AGMO: variants seen among roughly 807,000 people sequenced by gnomAD.
The protein encoded by AGMO is alkylglycerol monooxygenase.
AGMO carries 75 observed loss-of-function variants against 60.2 expected under a neutral mutation model. That is an observed-to-expected ratio of 1.25 (90% CI 1.03 to 1.51). The LOEUF (loss-of-function observed/expected upper bound fraction) is 1.51, where lower values mean the gene tolerates loss of function less well. AGMO is among the 40% of genes most tolerant of loss of function. AGMO has a pLI of 0.00. For synonymous variants in AGMO, 261 were observed against 177.1 expected, an observed-to-expected ratio of 1.47 and a Z score of -3.76; for missense variants, 763 against 525.5, an observed-to-expected ratio of 1.45 and a Z score of -4.42.
chr7:15,508,554 G>A (rs1562542763), intron 3 of AGMO, among the ~76,000 whole-genome samples: 1 of 152,084 alleles, frequency 6.6e-6, no homozygotes, highest in Non-Finnish European at 1.5e-5. Context: ...ACTAAAAAGT[G>A]TATAAAGAGA....
intron 12 of AGMO, among the ~76,000 whole-genome samples, chr7:15,247,075 G>C (rs980732742): frequency 6.6e-6 from 1 of 151,532 alleles, no homozygotes; most frequent in Non-Finnish European, 1.5e-5. Context: ...AAAGTAATGG[G>C]ATTATATGCA....
intron 5 of AGMO, among the ~76,000 whole-genome samples, chr7:15,411,176 A>G (rs1000623870): frequency 6.6e-6 from 1 of 151,974 alleles, no homozygotes; most frequent in African/African-American, 2.4e-5. Flanking sequence ...GCCATGTTAT[A>G]TCTCAGCATG....
intron 3 of AGMO, among the ~76,000 whole-genome samples, chr7:15,482,106 G>GA (rs934131580): frequency 2.0e-5 from 3 of 150,456 alleles, no homozygotes; most frequent in Non-Finnish European, 3.0e-5. Context: ...ATATCCACAT[G>GA]AAAAAATCAG....
At chr7:15,324,906 T>C (rs10280722) in intron 12 of AGMO, among the ~76,000 whole-genome samples, 123,883 of 152,018 alleles carry the variant, frequency 0.81, 51,178 homozygotes, top group East Asian at 0.96. Flanking sequence ...CGGTTCCTAA[T>C]AGGCCACCAA....
intron 3 of AGMO, among the ~76,000 whole-genome samples, chr7:15,541,988 T>C (rs1314871776): frequency 2.0e-5 from 3 of 152,190 alleles, no homozygotes; most frequent in East Asian, 3.8e-4. Context: ...ATACGTATTT[T>C]GGAATTATTG....
chr7:15,180,472 C>A, the AGMO span, among the ~76,000 whole-genome samples: 41,848 of 151,794 alleles, frequency 0.28, 6,267 homozygotes, highest in African/African-American at 0.39. Flanking sequence ...ATTTTTAATA[C>A]TTTGTTCATT....
At chr7:15,546,334 T>C (rs991172187) in intron 2 of AGMO, among the ~76,000 whole-genome samples, 1 of 152,108 alleles carries the variant, frequency 6.6e-6, no homozygotes, top group African/African-American at 2.4e-5. Context: ...ATCTCCAATT[T>C]GAGATTACAT....
chr7:15,140,467 G>C, the AGMO span, among the ~76,000 whole-genome samples: 1 of 151,962 alleles, frequency 6.6e-6, no homozygotes, highest in African/African-American at 2.4e-5. Flanking sequence ...CTCTTGAAAT[G>C]TTTCTTCTCT....
intron 12 of AGMO, among the ~76,000 whole-genome samples, chr7:15,304,569 A>G (rs1780554296): frequency 6.6e-6 from 1 of 152,128 alleles, no homozygotes; most frequent in Non-Finnish European, 1.5e-5. Context: ...GGGTTTGTCA[A>G]GTTATTTGTA....
chr7:15,217,818 A>G (rs983625403), intron 12 of AGMO, among the ~76,000 whole-genome samples: 1 of 152,038 alleles, frequency 6.6e-6, no homozygotes, highest in African/African-American at 2.4e-5. Context: ...TAGAATTACT[A>G]AAGACCAAAT....
intron 12 of AGMO, among the ~76,000 whole-genome samples, chr7:15,239,285 T>G (rs529818465): frequency 1.3e-5 from 2 of 152,256 alleles, no homozygotes; most frequent in Admixed American, 1.3e-4. Flanking sequence ...TAGGAACGTT[T>G]AGATAATGAT....
At chr7:15,382,803 G>C (rs979210083) in intron 10 of AGMO, among the ~76,000 whole-genome samples, 2 of 152,020 alleles carry the variant, frequency 1.3e-5, no homozygotes, top group African/African-American at 2.4e-5. Context: ...TCCTACCATA[G>C]ATATCTTAAT....
chr7:15,553,388 A>T (rs1002483096), intron 2 of AGMO, among the ~76,000 whole-genome samples: 2 of 152,022 alleles, frequency 1.3e-5, no homozygotes, highest in African/African-American at 4.8e-5. Flanking sequence ...AACAAAGTGT[A>T]GTAGAAAGTT....
the AGMO span, among the ~76,000 whole-genome samples, chr7:15,141,162 C>G: frequency 6.6e-6 from 1 of 152,142 alleles, no homozygotes; most frequent in African/African-American, 2.4e-5. Context: ...CTGAGGAGAG[C>G]CCAACGCCTT....
At chr7:15,254,950 A>G (rs888537452) in intron 12 of AGMO, among the ~76,000 whole-genome samples, 2 of 152,218 alleles carry the variant, frequency 1.3e-5, no homozygotes, top group Non-Finnish European at 2.9e-5. Flanking sequence ...AATAATGAAT[A>G]AAAATATTGA....
chr7:15,448,723 A>C (rs2128504687), intron 3 of AGMO, among the ~76,000 whole-genome samples: 1 of 151,762 alleles, frequency 6.6e-6, no homozygotes. Flanking sequence ...TAAATCCACT[A>C]TTTTCTAAAA....
At chr7:15,229,220 G>C (rs1782178435) in intron 12 of AGMO, among the ~76,000 whole-genome samples, 1 of 151,884 alleles carries the variant, frequency 6.6e-6, no homozygotes, top group Non-Finnish European at 1.5e-5. Context: ...TTCACTTTGG[G>C]ATCAAATTAG....
At chr7:15,221,498 T>C (rs1781921035) in intron 12 of AGMO, among the ~76,000 whole-genome samples, 1 of 152,134 alleles carries the variant, frequency 6.6e-6, no homozygotes, top group Non-Finnish European at 1.5e-5. Flanking sequence ...GCAATAGTGG[T>C]GACTATAGAC....
chr7:15,501,493 C>A (rs1003003301), intron 3 of AGMO, among the ~76,000 whole-genome samples: 3 of 151,078 alleles, frequency 2.0e-5, no homozygotes, highest in African/African-American at 2.4e-5. Context: ...AAAAAAAAAT[C>A]AAATGTGAGA....
Sources: gnomAD v4.1 joint callset for allele counts (sites outside exome capture counted in the v4.1 genomes callset) on GRCh38, gnomAD v4.1.1 for gene constraint, MANE v1.5 for transcripts, NCBI Gene and HGNC (gene_info 2026-07-23, HGNC 2026-07-21) for gene names.